Variants in KAZN observed in about 807,000 individuals in gnomAD.
KAZN encodes kazrin.
A neutral mutation model predicts 87.4 loss-of-function variants in KAZN; 40 were observed. That is an observed-to-expected ratio of 0.46 (90% CI 0.36 to 0.60). KAZN has a LOEUF of 0.60. KAZN is among the 20% of genes least tolerant of loss of function. The pLI, the probability that KAZN is intolerant of heterozygous loss-of-function variation, is 0.00. For missense variants in KAZN, 898 were observed against 1,073.9 expected, an observed-to-expected ratio of 0.84 and a Z score of 2.29; for synonymous variants, 466 against 458.3, an observed-to-expected ratio of 1.02 and a Z score of -0.22.
chr1:14,868,816 C>T (rs1338571013), intron 1 of KAZN, among the ~76,000 whole-genome samples: 1 of 151,842 alleles, frequency 6.6e-6, no homozygotes, highest in African/African-American at 2.4e-5. Context: ...TGCACTCCAG[C>T]CTGCACAACA....
intron 2 of KAZN, among the ~76,000 whole-genome samples, chr1:14,251,424 G>C (rs539852756): frequency 6.6e-6 from 1 of 152,078 alleles, no homozygotes; most frequent in African/African-American, 2.4e-5. Flanking sequence ...TTGTTGTGTT[G>C]TTGGATCCAC....
At chr1:14,476,235 T>C (rs1412328903) in intron 2 of KAZN, among the ~76,000 whole-genome samples, 1 of 152,236 alleles carries the variant, frequency 6.6e-6, no homozygotes. Context: ...TTATTTACTG[T>C]GTTTATTCAT....
intron 2 of KAZN, among the ~76,000 whole-genome samples, chr1:14,363,540 G>C (rs1330724559): frequency 6.6e-6 from 1 of 152,186 alleles, no homozygotes; most frequent in Non-Finnish European, 1.5e-5. Context: ...TCTGAAACAG[G>C]TTTTCTCAGC....
chr1:14,102,195 C>A (rs10928006), intron 1 of KAZN, among the ~76,000 whole-genome samples: 50,030 of 151,946 alleles, frequency 0.33, 9,249 homozygotes, highest in East Asian at 0.56. Context: ...GGGAAGACGC[C>A]CTCAGCACAC....
intron 1 of KAZN, among the ~76,000 whole-genome samples, chr1:14,783,375 C>G (rs2100655200): frequency 6.6e-6 from 1 of 152,232 alleles, no homozygotes; most frequent in South Asian, 2.1e-4. Context: ...GAAGAGCCCA[C>G]ATGCAGAGAA....
intron 1 of KAZN, among the ~76,000 whole-genome samples, chr1:14,705,879 C>T (rs777323265): frequency 6.6e-5 from 10 of 152,244 alleles, no homozygotes; most frequent in East Asian, 1.9e-4. Context: ...CTCCAACTCC[C>T]GGGGCCACAG....
chr1:15,062,156 C>T (rs983674256), intron 6 of KAZN: 1 of 152,242 alleles, frequency 6.6e-6, no homozygotes, highest in Non-Finnish European at 1.5e-5. Flanking sequence ...CCAAAGGCCT[C>T]TTGAATTGCA....
At chr1:13,989,980 G>C (rs1254739920) in intron 1 of KAZN, among the ~76,000 whole-genome samples, 1 of 152,164 alleles carries the variant, frequency 6.6e-6, no homozygotes, top group African/African-American at 2.4e-5. Context: ...TCCCTTGCAG[G>C]AAAAACTACC....
At chr1:14,641,448 G>A (rs1288593012) in intron 1 of KAZN, among the ~76,000 whole-genome samples, 6 of 152,184 alleles carry the variant, frequency 3.9e-5, no homozygotes, top group African/African-American at 1.4e-4. Context: ...AGCAGGCCAT[G>A]CAGGATTGGC....
At chr1:13,951,852 G>A (rs1255106746) in intron 1 of KAZN, among the ~76,000 whole-genome samples, 1 of 152,100 alleles carries the variant, frequency 6.6e-6, no homozygotes, top group Non-Finnish European at 1.5e-5. Flanking sequence ...TCAAGTAAAA[G>A]TGCCTTAAGA....
In KAZN at chr1:14,721,519, T is replaced by C. The variant is rs545294105; in HGVS notation, c.226+122296T>C. On this transcript the variant is annotated intron_variant, in intron 1 of 14. Coordinates refer to ENST00000376030, the MANE Select transcript of KAZN (RefSeq NM_201628.3). ...GAATAGACCTGTGCAACTGTGAAAC[T>C]GGCCAGACAAGAACCTTGAAGGCAG... is the stretch of plus-strand genomic sequence containing the variant. Among the ~76,000 whole-genome samples the C allele has an allele frequency of 1.1e-4, 17 of 152,334 alleles. No homozygotes were observed. The South Asian group carries it at 2.5e-3, about 22-fold the overall frequency.
intron 1 of KAZN, among the ~76,000 whole-genome samples, chr1:13,902,598 C>T (rs1223557700): frequency 6.6e-6 from 1 of 152,108 alleles, no homozygotes; most frequent in African/African-American, 2.4e-5. Flanking sequence ...TGCAAAAATA[C>T]AGGTAGGTAG....
At chr1:13,988,404 C>A (rs1279136623) in intron 1 of KAZN, among the ~76,000 whole-genome samples, 1 of 151,962 alleles carries the variant, frequency 6.6e-6, no homozygotes, top group Admixed American at 6.6e-5. Context: ...AGTTATTGTC[C>A]AAATAGGTAT....
intron 2 of KAZN, chr1:14,349,460 A>C (rs897840470): frequency 1.3e-5 from 2 of 152,194 alleles, no homozygotes; most frequent in South Asian, 4.1e-4. Flanking sequence ...AATATCCAGC[A>C]AGACTAGCAC....
Position 14,177,794 on chromosome 1 carries a change from G to GT in KAZN, c.92-2624dup, listed in dbSNP as rs34230840. On this transcript the variant is annotated intron_variant, in intron 1 of 16. Coordinates refer to the KAZN transcript ENST00000636203. ...TTTCTCATTTTCACTGTGTGTGTGTGTTTTTTTTTTTTTTTTTAGTAATTT... is the reference window on the plus strand; with the variant it reads ...TTTCTCATTTTCACTGTGTGTGTGTGTTTTTTTTTTTTTTTTTTAGTAATTT... Among the ~76,000 whole-genome samples, 405 of 140,064 alleles carry GT rather than the reference G, an allele frequency of 2.9e-3. 2 individuals carry two copies. Among genetic ancestry groups the GT allele is most frequent in the Middle Eastern group, 0.011 (3 of 278 alleles). The allele number at this position is 140,064 out of a possible 152,430, so 91.9% of individuals were successfully genotyped here.
At chr1:13,926,766 CAT>C (rs1186860720) in intron 1 of KAZN, among the ~76,000 whole-genome samples, 1 of 151,954 alleles carries the variant, frequency 6.6e-6, no homozygotes, top group East Asian at 1.9e-4. Flanking sequence ...GCTGGAGTGA[CAT>C]ATCATATTTG....
At chr1:14,775,570 G>A (rs115850484) in intron 1 of KAZN, among the ~76,000 whole-genome samples, 1 of 152,236 alleles carries the variant, frequency 6.6e-6, no homozygotes, top group Non-Finnish European at 1.5e-5. Flanking sequence ...CAAGCTCAGT[G>A]GGCAGACAGA....
chr1:14,079,564 T>A (rs1643594316), intron 1 of KAZN, among the ~76,000 whole-genome samples: 1 of 152,206 alleles, frequency 6.6e-6, no homozygotes, highest in Admixed American at 6.5e-5. Context: ...AGGATTACTA[T>A]ATTTTGTAAA....
At chr1:14,295,388 C>T (rs1217532424) in intron 2 of KAZN, among the ~76,000 whole-genome samples, 1 of 152,214 alleles carries the variant, frequency 6.6e-6, no homozygotes, top group Non-Finnish European at 1.5e-5. Context: ...ACCCTCCCAG[C>T]TTCTCCCTCT....
Sources: gnomAD v4.1 joint callset for allele counts (sites outside exome capture counted in the v4.1 genomes callset) on GRCh38, gnomAD v4.1.1 for gene constraint, MANE v1.5 for transcripts, NCBI Gene and HGNC (gene_info 2026-07-23, HGNC 2026-07-21) for gene names.